The following PCDHGA2 variants were observed in gnomAD, a reference collection of about 807,000 sequenced individuals.
PCDHGA2 encodes protocadherin gamma-A2.
A neutral mutation model predicts 59.2 loss-of-function variants in PCDHGA2; 40 were observed. That is an observed-to-expected ratio of 0.68 (90% CI 0.52 to 0.88). The LOEUF (loss-of-function observed/expected upper bound fraction) is 0.88, where lower values mean the gene tolerates loss of function less well. PCDHGA2 is among the 40% of genes least tolerant of loss of function. The pLI, the probability that PCDHGA2 is intolerant of heterozygous loss-of-function variation, is 0.00. For synonymous variants in PCDHGA2, 560 were observed against 526.0 expected (o/e 1.06, Z -0.89); for missense variants, 1,226 against 1,204.0 (o/e 1.02, Z -0.27).
intron 2 of PCDHGA2, among the ~76,000 whole-genome samples, chr5:141,499,283 G>T (rs1460838051): frequency 6.6e-6 from 1 of 152,066 alleles, no homozygotes; most frequent in Non-Finnish European, 1.5e-5. Context: ...TTCTCTGATG[G>T]CTCCACACTA....
At position 141,357,430 on chromosome 5, in the gene PCDHGA2, G is replaced by A. The variant is rs772627679; in HGVS notation, c.2424+16035G>A. ...GCCTGCCTCGCACTTTGTGGGCGTG[G>A]ACGGGGTTCGGGCTTTCCTGCAGAC... is the stretch of plus-strand genomic sequence containing the variant. On this transcript the variant is annotated intron_variant, in intron 1 of 3. Coordinates refer to ENST00000394576, the MANE Select transcript of PCDHGA2 (RefSeq NM_018915.4). 25 of 1,614,218 alleles carry A rather than the reference G, an allele frequency of 1.5e-5. No individual in the cohort carries two copies. The South Asian group carries it at 2.6e-4, about 17-fold the overall frequency.
At chr5:141,481,747 T>A (rs1319673737) in intron 1 of PCDHGA2, among the ~76,000 whole-genome samples, 3 of 151,684 alleles carry the variant, frequency 2.0e-5, no homozygotes, top group African/African-American at 7.3e-5. Flanking sequence ...AGGTCAGGAG[T>A]CCAAGACCAG....
At chr5:141,395,547 TGTGTGTGTGTGTGTGTGTG>T (rs2093270842) in intron 1 of PCDHGA2, 3 of 174,256 alleles carry the variant, frequency 1.7e-5, no homozygotes, top group Non-Finnish European at 3.5e-5. Flanking sequence ...ATTGTTTGTG[TGTGTGTGTGTGTGTGTGTG>T]TGTGTGTGTG....
chr5:141,362,735 TA>T lies in PCDHGA2; in HGVS notation c.2424+21341del, dbSNP rs1266066195. Reference sequence around the variant, plus strand: ...TTCTCTCTGAAGTGTGAGATTTATTTACCCATGATTGCAAACCTTTATCACA... The same window carrying T: ...TTCTCTCTGAAGTGTGAGATTTATTTCCCATGATTGCAAACCTTTATCACA... On this transcript the variant is annotated intron_variant, in intron 1 of 3. Transcript: ENST00000394576. The T allele has an allele frequency of 2.0e-5, 15 of 764,982 alleles. No homozygotes were observed. In the Admixed American group the frequency reaches 4.5e-4, roughly 23 times the overall value. The allele number at this position is 764,982 out of a possible 1,614,324, so 47.4% of individuals were successfully genotyped here.
chr5:141,354,311 A>G (rs10214288), intron 1 of PCDHGA2, among the ~76,000 whole-genome samples: 21,563 of 152,160 alleles, frequency 0.14, 2,133 homozygotes, highest in African/African-American at 0.29. Context: ...TTTCATAAAA[A>G]TTACTACTCT....
chr5:141,366,644 C>A, intron 1 of PCDHGA2: 3 of 1,614,268 alleles, frequency 1.9e-6, no homozygotes, highest in Non-Finnish European at 2.5e-6. Flanking sequence ...GATCTTTCCC[C>A]AGCCCAACTA....
chr5:141,435,334 T>A (rs1223377462), intron 1 of PCDHGA2, among the ~76,000 whole-genome samples: 1 of 152,196 alleles, frequency 6.6e-6, no homozygotes, highest in African/African-American at 2.4e-5. Flanking sequence ...ATATAGTGAA[T>A]TTATTTCTTC....
At chr5:141,446,288 G>C (rs1437669688) in intron 1 of PCDHGA2, among the ~76,000 whole-genome samples, 1 of 152,100 alleles carries the variant, frequency 6.6e-6, no homozygotes, top group Non-Finnish European at 1.5e-5. Flanking sequence ...GGATAAATGG[G>C]GAGCAGGGAT....
intron 3 of PCDHGA2, among the ~76,000 whole-genome samples, chr5:141,509,539 A>G (rs749824780): frequency 1.3e-5 from 2 of 152,160 alleles, no homozygotes; most frequent in East Asian, 1.9e-4. Context: ...ATGAAGCACC[A>G]TCTCATTTAG....
chr5:141,424,690 TA>T (rs796070231), intron 1 of PCDHGA2: 89 of 152,358 alleles, frequency 5.8e-4, no homozygotes, highest in African/African-American at 1.9e-3. Context: ...TCCTTCTGGC[TA>T]TTTTTTTGTT....
intron 1 of PCDHGA2, chr5:141,395,544 G>A (rs1352260391): frequency 8.7e-5 from 1 of 11,524 alleles, no homozygotes. Flanking sequence ...GCTATTGTTT[G>A]TGTGTGTGTG....
At chr5:141,441,718 C>A in intron 1 of PCDHGA2, 1 of 344,940 alleles carries the variant, frequency 2.9e-6, no homozygotes, top group Non-Finnish European at 5.7e-6. Flanking sequence ...ACGCTGCAGG[C>A]CCGCGACCAG....
chr5:141,478,164 C>G lies in PCDHGA2; in HGVS notation c.2425-16643C>G, dbSNP rs202185809. On this transcript the variant is annotated intron_variant, in intron 1 of 3. Transcript: ENST00000394576. Reference sequence around the variant, plus strand: ...GCCGAGTTCCCCTCTGGCTCTGCCCCCCGGGAGCAGAAAAAAAATCTCACC... The same window carrying G: ...GCCGAGTTCCCCTCTGGCTCTGCCCGCCGGGAGCAGAAAAAAAATCTCACC... The G allele has an allele frequency of 1.0e-4, 167 of 1,613,890 alleles. No homozygotes were observed. Among genetic ancestry groups the G allele is most frequent in the Non-Finnish European group, 1.3e-4 (157 of 1,180,048 alleles).
At position 141,486,883 on chromosome 5, in the gene PCDHGA2, C is replaced by G. The variant is rs1234866888; in HGVS notation, c.2425-7924C>G. The G allele has an allele frequency of 1.2e-6, 2 of 1,614,214 alleles. No individual in the cohort carries two copies. ...CTCCAGCTGTGCTCCGTCCTCGGGC[C>G]CGGCCTGGTTCCTTATGTCCCCAAG... On this transcript the variant is annotated intron_variant, in intron 1 of 3. Coordinates refer to ENST00000394576, the MANE Select transcript of PCDHGA2 (RefSeq NM_018915.4). The surrounding 1 kb of genome is among the most constrained non-coding windows in gnomAD (Gnocchi z 5.0).
intron 1 of PCDHGA2, among the ~76,000 whole-genome samples, chr5:141,425,325 A>G (rs1371591408): frequency 6.6e-6 from 1 of 152,240 alleles, no homozygotes. Context: ...ATCGTGGAGA[A>G]CAAAAAGGAA....
At chr5:141,374,990 A>G in intron 1 of PCDHGA2, 3 of 1,614,046 alleles carry the variant, frequency 1.9e-6, no homozygotes, top group Non-Finnish European at 2.5e-6. Context: ...AGAAATTTCA[A>G]CTTCTGCAAA....
chr5:141,491,648 T>G lies in PCDHGA2; in HGVS notation c.2425-3159T>G, dbSNP rs756792762. 1 of 1,613,834 alleles carries G rather than the reference T, an allele frequency of 6.2e-7. No individual in the cohort carries two copies. Among genetic ancestry groups the G allele is most frequent in the Non-Finnish European group, 8.5e-7 (1 of 1,180,002 alleles). On this transcript the variant is annotated intron_variant, in intron 1 of 3. Coordinates refer to ENST00000394576, the MANE Select transcript of PCDHGA2 (RefSeq NM_018915.4). This position sits in a 1 kb window ranked among gnomAD's most constrained non-coding sequence, Gnocchi z 6.9. Reference sequence around the variant, plus strand: ...GTTCAGCAGCCCACAGCTCTGGCGCTGGAGCCTGACGCCATCCGGTCCCGC... The same window carrying G: ...GTTCAGCAGCCCACAGCTCTGGCGCGGGAGCCTGACGCCATCCGGTCCCGC...
chr5:141,505,621 A>G (rs1170133157), intron 3 of PCDHGA2, 140 bp downstream of exon 3: 5 of 1,495,758 alleles, frequency 3.3e-6, no homozygotes, highest in South Asian at 2.6e-5. Context: ...AGGACCCACA[A>G]TTCCAAACAT....
At chr5:141,365,801 C>G in intron 1 of PCDHGA2, 1 of 1,613,966 alleles carries the variant, frequency 6.2e-7, no homozygotes, top group Non-Finnish European at 8.5e-7. Context: ...CACCTACTCC[C>G]TGGCTGAAGA....
Sources: gnomAD v4.1 joint callset for allele counts (sites outside exome capture counted in the v4.1 genomes callset) on GRCh38, gnomAD v4.1.1 for gene constraint, Gnocchi (gnomAD v3.1) non-coding constraint, MANE v1.5 for transcripts, NCBI Gene and HGNC (gene_info 2026-07-23, HGNC 2026-07-21) for gene names.